Variants in ZNF516 observed in about 807,000 individuals in gnomAD.
ZNF516 encodes zinc finger protein 516.
Under a neutral mutation model 79.7 loss-of-function variants are expected in ZNF516, and 19 were observed. The ratio of observed to expected loss-of-function variants is 0.24; its 90% CI spans 0.17 to 0.35. The LOEUF (loss-of-function observed/expected upper bound fraction) is 0.35. Ranked by LOEUF, ZNF516 falls within the 10% of genes least tolerant of loss-of-function variation. The probability of loss-of-function intolerance (pLI) is 1.00; values close to 1 mark genes in which losing one functional copy is unlikely to be tolerated. For synonymous variants in ZNF516, 877 were observed against 739.5 expected, an observed-to-expected ratio of 1.19 and a Z score of -3.02; for missense variants, 1,678 against 1,679.5, an observed-to-expected ratio of 1.00 and a Z score of 0.02.
At chr18:76,444,687 G>A (rs1475055007) in intron 2 of ZNF516, among the ~76,000 whole-genome samples, 1 of 152,206 alleles carries the variant, frequency 6.6e-6, no homozygotes, top group Non-Finnish European at 1.5e-5. Context: ...ACCTGAGGGG[G>A]TGAAGGGGCA....
intron 2 of ZNF516, among the ~76,000 whole-genome samples, chr18:76,458,694 G>A (rs1004954513): frequency 2.7e-5 from 4 of 145,794 alleles, no homozygotes; most frequent in East Asian, 4.0e-4. Flanking sequence ...CCTCACCGTC[G>A]TGTGTGCGTG....
At chr18:76,391,096 A>T (rs973336641) in intron 3 of ZNF516, among the ~76,000 whole-genome samples, 2 of 152,186 alleles carry the variant, frequency 1.3e-5, no homozygotes, top group Non-Finnish European at 2.9e-5. Flanking sequence ...AGGGGTCCAC[A>T]GGAGGACAGA....
rs568157213 is a variant in ZNF516, at chr18:76,392,079, C to T, written c.1811-11776G>A. ...AGAGCCTCATTTCCGCCACCAGCGA[C>T]GCCAGTCAAACCAGGAAGCCAGCGC... On this transcript the variant is annotated intron_variant, in intron 3 of 6. Coordinates refer to ENST00000443185, the MANE Select transcript of ZNF516 (RefSeq NM_014643.4). 9.2e-5 allele frequency among the ~76,000 whole-genome samples: 14 copies of T among 152,350 alleles called. No individual in the cohort carries two copies. In the South Asian group the frequency reaches 1.7e-3, roughly 18 times the overall value.
chr18:76,399,699 A>C (rs1295468452), intron 3 of ZNF516, among the ~76,000 whole-genome samples: 2 of 152,202 alleles, frequency 1.3e-5, no homozygotes, highest in African/African-American at 4.8e-5. Flanking sequence ...CGAGGTCCAC[A>C]GGTCTGACTT....
chr18:76,441,164 T>C (rs866222419), intron 3 of ZNF516, 81 bp downstream of exon 3: 51 of 1,500,326 alleles, frequency 3.4e-5, no homozygotes, highest in Middle Eastern at 2.4e-4. Context: ...GCGAGCCTAC[T>C]TGAGTATACG....
intron 1 of ZNF516, among the ~76,000 whole-genome samples, chr18:76,489,490 T>C (rs1191475486): frequency 6.6e-6 from 1 of 151,380 alleles, no homozygotes; most frequent in Non-Finnish European, 1.5e-5. Context: ...GTTTCATTTA[T>C]GAAAGTGGAG....
intron 3 of ZNF516, among the ~76,000 whole-genome samples, chr18:76,390,784 A>G (rs1184368459): frequency 6.6e-6 from 1 of 152,204 alleles, no homozygotes; most frequent in Non-Finnish European, 1.5e-5. Context: ...TGATAAACAC[A>G]TGACACTTTC....
Position 76,441,284 on chromosome 18 carries a change from C to T in ZNF516, c.1771G>A (p.Glu591Lys), listed in dbSNP as rs547477622. The change falls in exon 3 of 7, where the codon GAA (glutamate) becomes AAA (lysine). Residue 591 changes from glutamate (E) to lysine (K), a missense_variant. By Grantham distance (56) the Glu-to-Lys change is moderately conservative (BLOSUM62 1). Transcript: ENST00000443185. ...PGSGLADEAA[E>K]DSGEEGAPEP... is the part of the protein sequence containing the mutation. ...GGGGCGCCCTCCTCACCACTGTCTT[C>T]GGCAGCCTCGTCGGCCAGGCCAGAG... 8 of 1,610,882 alleles carry T rather than the reference C, an allele frequency of 5.0e-6. No homozygotes were observed. In the African/African-American group the frequency reaches 8.0e-5, roughly 16 times the overall value.
At chr18:76,388,041 A>G (rs2075018364) in intron 3 of ZNF516, 1 of 152,238 alleles carries the variant, frequency 6.6e-6, no homozygotes, top group Non-Finnish European at 1.5e-5. Flanking sequence ...CGAGAGGAGT[A>G]TGGCTGCGGA....
chr18:76,410,630 A>C (rs544818027), intron 3 of ZNF516, among the ~76,000 whole-genome samples: 1 of 152,222 alleles, frequency 6.6e-6, no homozygotes, highest in Non-Finnish European at 1.5e-5. Context: ...TAAAAATTTC[A>C]ATTTGTTTTG....
At chr18:76,454,387 G>A (rs908551326) in intron 2 of ZNF516, among the ~76,000 whole-genome samples, 2 of 152,202 alleles carry the variant, frequency 1.3e-5, no homozygotes, top group African/African-American at 4.8e-5. Context: ...GTTTATCATT[G>A]TACAAACACC....
At chr18:76,390,087 T>C (rs1156754696) in intron 3 of ZNF516, among the ~76,000 whole-genome samples, 1 of 152,190 alleles carries the variant, frequency 6.6e-6, no homozygotes, top group Non-Finnish European at 1.5e-5. Context: ...TTTGAGTAAC[T>C]GGGCTCTTCC....
chr18:76,395,723 A>G (rs1280176634), intron 3 of ZNF516, among the ~76,000 whole-genome samples: 1 of 151,730 alleles, frequency 6.6e-6, no homozygotes, highest in African/African-American at 2.4e-5. Context: ...CTCTCTCCAA[A>G]ACAAGACGCA....
chr18:76,396,990 C>T (rs1048095367), intron 3 of ZNF516, among the ~76,000 whole-genome samples: 1 of 152,220 alleles, frequency 6.6e-6, no homozygotes, highest in Non-Finnish European at 1.5e-5. Context: ...GGAAGTTCTC[C>T]TCCTGAAACA....
intron 3 of ZNF516, among the ~76,000 whole-genome samples, chr18:76,395,025 T>G (rs1415199852): frequency 6.6e-6 from 1 of 152,224 alleles, no homozygotes; most frequent in African/African-American, 2.4e-5. Flanking sequence ...CCTTCTGCTC[T>G]AACTAAACAC....
intron 2 of ZNF516, among the ~76,000 whole-genome samples, chr18:76,462,278 A>T (rs1284545833): frequency 2.0e-5 from 3 of 152,128 alleles, no homozygotes; most frequent in African/African-American, 7.2e-5. Flanking sequence ...TCCCAAGAAA[A>T]CCACTTCACT....
intron 5 of ZNF516, 145 bp from the exon 6 acceptor site, chr18:76,370,740 A>T: frequency 3.1e-6 from 2 of 638,586 alleles, no homozygotes; most frequent in Non-Finnish European, 5.0e-6. Flanking sequence ...TTACCGTAAC[A>T]CTTACAGTAA....
At chr18:76,457,550 A>G (rs1206637118) in intron 2 of ZNF516, among the ~76,000 whole-genome samples, 1 of 152,134 alleles carries the variant, frequency 6.6e-6, no homozygotes, top group East Asian at 1.9e-4. Flanking sequence ...TCTCTATATA[A>G]AGATTAAAAA....
chr18:76,419,650 G>C (rs553278053), intron 3 of ZNF516, among the ~76,000 whole-genome samples: 1 of 152,100 alleles, frequency 6.6e-6, no homozygotes, highest in African/African-American at 2.4e-5. Context: ...AAGACCTGAC[G>C]GTTTGATAAA....
Sources: gnomAD v4.1 joint callset for allele counts (sites outside exome capture counted in the v4.1 genomes callset) on GRCh38, gnomAD v4.1.1 for gene constraint, MANE v1.5 for transcripts, NCBI Gene and HGNC (gene_info 2026-07-23, HGNC 2026-07-21) for gene names.